SYNPO2: variants seen among roughly 807,000 people sequenced by gnomAD.
The protein encoded by SYNPO2 is synaptopodin-2.
A neutral mutation model predicts 85.0 loss-of-function variants in SYNPO2; 56 were observed. That is an observed-to-expected ratio of 0.66 (90% CI 0.53 to 0.82). SYNPO2 has a LOEUF of 0.82. Ranked by LOEUF, SYNPO2 falls within the 40% of genes least tolerant of loss-of-function variation. The pLI is 0.00. For synonymous variants in SYNPO2, 602 were observed against 591.1 expected, an observed-to-expected ratio of 1.02 and a Z score of -0.27; for missense variants, 1,575 against 1,534.2, an observed-to-expected ratio of 1.03 and a Z score of -0.44.
chr4:119,040,742 C>A (rs1738683390), intron 4 of SYNPO2, among the ~76,000 whole-genome samples: 1 of 152,132 alleles, frequency 6.6e-6, no homozygotes, highest in Non-Finnish European at 1.5e-5. Context: ...CTTAAATAGG[C>A]CTATTACACT....
At position 118,945,238 on chromosome 4, in the gene SYNPO2, G is replaced by A. The variant is rs148523197; in HGVS notation, c.105+56097G>A. 3.9e-3 allele frequency among the ~76,000 whole-genome samples: 587 copies of A among 152,160 alleles called. 24 individuals are homozygous for A. Among genetic ancestry groups the A allele is most frequent in the Admixed American group, 0.035 (538 of 15,282 alleles). On this transcript the variant is annotated intron_variant, in intron 1 of 4. Coordinates refer to ENST00000307142, the MANE Select transcript of SYNPO2 (RefSeq NM_133477.3). ...CTATCCACTGGTACTTTTTGCAGAGGATCATGTTTTAAAAAATGTACAAAG... is the reference window on the plus strand; with the variant it reads ...CTATCCACTGGTACTTTTTGCAGAGAATCATGTTTTAAAAAATGTACAAAG...
At chr4:118,977,397 C>T (rs1735828133) in intron 1 of SYNPO2, among the ~76,000 whole-genome samples, 1 of 152,360 alleles carries the variant, frequency 6.6e-6, no homozygotes, top group African/African-American at 2.4e-5. Flanking sequence ...CCCGCAAGCG[C>T]GGCACGCAGC....
intron 1 of SYNPO2, among the ~76,000 whole-genome samples, chr4:118,908,728 C>T (rs980702469): frequency 1.3e-5 from 2 of 152,062 alleles, no homozygotes; most frequent in East Asian, 1.9e-4. Context: ...CCTTATAGAA[C>T]AGGAGTTATA....
intron 1 of SYNPO2, among the ~76,000 whole-genome samples, chr4:118,919,621 G>A (rs1185245596): frequency 6.6e-6 from 1 of 152,168 alleles, no homozygotes; most frequent in Non-Finnish European, 1.5e-5. Flanking sequence ...TGTTATTGTA[G>A]AAGATGGTAT....
chr4:119,030,375 A>T lies in SYNPO2; in HGVS notation c.1600A>T (p.Thr534Ser). Residue 534 changes from threonine (T) to serine (S), a missense_variant, in exon 4 of 5, where the codon ACT (threonine) becomes TCT (serine). By Grantham distance (58) the Thr-to-Ser change is moderately conservative. Around this residue, in one of 3 missense-constraint regions of SYNPO2, gnomAD observed 1,508 missense variants for 1,446.8 expected, o/e 1.04. Coordinates refer to ENST00000307142, the MANE Select transcript of SYNPO2 (RefSeq NM_133477.3). ...CCAGACCGATGGCCTGAGAACCACG[A>T]CTTCTTACCAAAGAAAGGAGGAAGA... ...AAQTDGLRTT[T>S]SYQRKEEESV... 1 of 1,614,130 alleles carries T rather than the reference A, an allele frequency of 6.2e-7. No homozygotes were observed. The highest frequency in any genetic ancestry group is 8.5e-7 in the Non-Finnish European group (1 of 1,180,022).
chr4:118,865,816 T>C (rs533564922), intron 1 of SYNPO2, among the ~76,000 whole-genome samples: 101 of 152,344 alleles, frequency 6.6e-4, no homozygotes, highest in African/African-American at 2.3e-3. Context: ...AGAGATGCTC[T>C]TTTATAATTA....
intron 1 of SYNPO2, among the ~76,000 whole-genome samples, chr4:118,947,535 C>T (rs1734548880): frequency 6.6e-6 from 1 of 152,188 alleles, no homozygotes; most frequent in Non-Finnish European, 1.5e-5. Flanking sequence ...AGTTTATTTC[C>T]TTGAACTCTG....
At chr4:118,863,048 A>T (rs1296949976) in intron 1 of SYNPO2, among the ~76,000 whole-genome samples, 1 of 152,074 alleles carries the variant, frequency 6.6e-6, no homozygotes, top group Non-Finnish European at 1.5e-5. Context: ...TGACCTCGTG[A>T]CCCACCTGCC....
At chr4:118,894,564 C>T (rs113263289) in intron 1 of SYNPO2, among the ~76,000 whole-genome samples, 2 of 63,886 alleles carry the variant, frequency 3.1e-5, no homozygotes, top group East Asian at 4.5e-4. Flanking sequence ...GGGGGAACGT[C>T]GGGGGAACAT....
intron 1 of SYNPO2, among the ~76,000 whole-genome samples, chr4:118,883,062 GTT>G (rs111630098): frequency 7.1e-6 from 1 of 141,460 alleles, no homozygotes; most frequent in African/African-American, 2.6e-5. Flanking sequence ...CGCCCCGCCT[GTT>G]TTTTTTTTTT....
chr4:118,976,025 A>G (rs1218223133), intron 1 of SYNPO2, among the ~76,000 whole-genome samples: 2 of 152,200 alleles, frequency 1.3e-5, no homozygotes, highest in Non-Finnish European at 2.9e-5. Flanking sequence ...CCCCTACCAG[A>G]GCTTTTGAAA....
At chr4:118,855,265 A>C (rs987651144) in intron 1 of SYNPO2, among the ~76,000 whole-genome samples, 11 of 152,160 alleles carry the variant, frequency 7.2e-5, no homozygotes, top group Non-Finnish European at 1.5e-4. Flanking sequence ...GTTGGAAAAA[A>C]TTCTCTGTGC....
intron 1 of SYNPO2, among the ~76,000 whole-genome samples, chr4:118,970,230 A>G (rs1179158465): frequency 2.6e-5 from 4 of 152,208 alleles, no homozygotes; most frequent in African/African-American, 9.6e-5. Context: ...ACCATGTACC[A>G]GACATAAGCA....
chr4:118,853,721 C>T (rs1353370761), intron 1 of SYNPO2, among the ~76,000 whole-genome samples: 1 of 152,108 alleles, frequency 6.6e-6, no homozygotes, highest in Non-Finnish European at 1.5e-5. Context: ...TATTCAACAT[C>T]ATTGCCTCCT....
intron 1 of SYNPO2, among the ~76,000 whole-genome samples, chr4:118,870,426 T>C (rs1731781208): frequency 6.6e-6 from 1 of 152,254 alleles, no homozygotes; most frequent in Admixed American, 6.5e-5. Flanking sequence ...ATTTTCTTTA[T>C]CCAGTCTATC....
intron 4 of SYNPO2, chr4:119,037,520 G>C (rs1738567747): frequency 1.0e-6 from 1 of 1,001,206 alleles, no homozygotes; most frequent in Non-Finnish European, 1.2e-6. Flanking sequence ...ACTTTTATTT[G>C]GTGCAATAAT....
chr4:118,962,589 G>A (rs1735142386), intron 1 of SYNPO2, among the ~76,000 whole-genome samples: 1 of 152,124 alleles, frequency 6.6e-6, no homozygotes, highest in Admixed American at 6.5e-5. Context: ...ATTTTTATTA[G>A]GAGAACTTTG....
intron 1 of SYNPO2, among the ~76,000 whole-genome samples, chr4:118,932,420 T>A (rs1733962784): frequency 6.6e-6 from 1 of 152,220 alleles, no homozygotes; most frequent in African/African-American, 2.4e-5. Flanking sequence ...ATCTGACATG[T>A]TATTGTTAAT....
chr4:118,870,230 G>A (rs1731777891), intron 1 of SYNPO2, among the ~76,000 whole-genome samples: 1 of 152,186 alleles, frequency 6.6e-6, no homozygotes, highest in Admixed American at 6.5e-5. Context: ...TGCTGCACTA[G>A]CCCACAAGGA....
Sources: gnomAD v4.1 joint callset for allele counts (sites outside exome capture counted in the v4.1 genomes callset) on GRCh38, gnomAD v4.1.1 for gene constraint, gnomAD v4.1.1 regional missense constraint, MANE v1.5 for transcripts, NCBI Gene and HGNC (gene_info 2026-07-23, HGNC 2026-07-21) for gene names.